The following NPIPA1 variants were observed in gnomAD, a reference collection of about 807,000 sequenced individuals.
The protein encoded by NPIPA1 is nuclear pore complex-interacting protein family member A1.
For synonymous variants in NPIPA1, 7 were observed against 88.0 expected (o/e 0.08, Z 5.15); for missense variants, 22 against 232.2 (o/e 0.09, Z 5.88).
intron 1 of NPIPA1, among the ~76,000 whole-genome samples, chr16:14,938,771 T>C (rs1326173861): frequency 1.4e-4 from 22 of 152,162 alleles, no homozygotes; most frequent in African/African-American, 2.4e-4. Flanking sequence ...CAGAGTCTCA[T>C]TCTGTCGCCC....
intron 2 of NPIPA1, 103 bp from the exon 3 acceptor site, chr16:14,945,471 A>C: frequency 3.2e-6 from 2 of 633,644 alleles, no homozygotes; most frequent in Non-Finnish European, 5.2e-6. Flanking sequence ...CTGGTCTTGA[A>C]CTCCTGACCC....
At chr16:14,943,157 T>A (rs1238950663) in intron 2 of NPIPA1, among the ~76,000 whole-genome samples, 2 of 152,012 alleles carry the variant, frequency 1.3e-5, no homozygotes, top group African/African-American at 2.4e-5. Flanking sequence ...TTTTTTTTTT[T>A]TTTTCTTTTC....
intron 2 of NPIPA1, among the ~76,000 whole-genome samples, chr16:14,943,739 G>T (rs1475786593): frequency 5.9e-5 from 9 of 152,010 alleles, no homozygotes; most frequent in East Asian, 2.0e-4. Context: ...AGACGTGGTT[G>T]CTCTTTTCAT....
intron 2 of NPIPA1, among the ~76,000 whole-genome samples, chr16:14,943,244 C>A (rs1381893483): frequency 3.3e-5 from 5 of 151,800 alleles, no homozygotes; most frequent in African/African-American, 1.2e-4. Flanking sequence ...GCAACCTCCA[C>A]CTCCTGGCTT....
At position 14,941,204 on chromosome 16, in the gene NPIPA1, G is replaced by A. The variant is rs576021776; in HGVS notation, c.64-608G>A. ...TGTAATCCCAGCACTTTGGGAGGCC[G>A]AGGCAGGCAGATCGCCTGTCAGGAG... is the stretch of plus-strand genomic sequence containing the variant. On this transcript the variant is annotated intron_variant, in intron 1 of 7. Coordinates refer to ENST00000328085, the MANE Select transcript of NPIPA1 (RefSeq NM_006985.4). 3.3e-3 allele frequency among the ~76,000 whole-genome samples: 499 copies of A among 150,846 alleles called. 39 individuals carry two copies. The South Asian group carries it at 0.11, about 32-fold the overall frequency.
chr16:14,943,061 G>C (rs1329980091), intron 2 of NPIPA1, among the ~76,000 whole-genome samples: 1 of 152,218 alleles, frequency 6.6e-6, no homozygotes, highest in Non-Finnish European at 1.5e-5. Context: ...AAATATATGA[G>C]TTATGAAGAT....
chr16:14,942,772 G>A (rs1393502129), intron 2 of NPIPA1, among the ~76,000 whole-genome samples: 19 of 152,162 alleles, frequency 1.2e-4, no homozygotes, highest in Non-Finnish European at 2.2e-4. Context: ...TCAAAAGTCT[G>A]TACTTGGTAA....
intron 5 of NPIPA1, 100 bp from the exon 6 acceptor site, chr16:14,949,950 G>A (rs1327191600): frequency 2.0e-6 from 1 of 507,704 alleles, no homozygotes; most frequent in Non-Finnish European, 3.4e-6. Flanking sequence ...GAGATAGATT[G>A]TGTAAGGGTA....
intron 2 of NPIPA1, among the ~76,000 whole-genome samples, chr16:14,945,149 G>T (rs57560238): frequency 0.099 from 10,057 of 101,200 alleles, 5 homozygotes; most frequent in Non-Finnish European, 0.14. Flanking sequence ...GACCTCAGGT[G>T]ATCCGCCTGC....
chr16:14,942,902 G>C (rs1295888951), intron 2 of NPIPA1, among the ~76,000 whole-genome samples: 2 of 152,388 alleles, frequency 1.3e-5, no homozygotes, highest in Admixed American at 1.3e-4. Context: ...TGTGGGGGCT[G>C]AACCTCCTTC....
chr16:14,946,961 G>A (rs1404486404), intron 4 of NPIPA1, among the ~76,000 whole-genome samples: 3 of 152,082 alleles, frequency 2.0e-5, no homozygotes, highest in Admixed American at 6.5e-5. Context: ...CCAATGTGCT[G>A]GGATTACAGG....
intron 1 of NPIPA1, chr16:14,938,456 A>T (rs1965676669): frequency 1.2e-6 from 1 of 832,980 alleles, no homozygotes; most frequent in African/African-American, 1.9e-5. Context: ...CCAGCACTTT[A>T]GGGGGCCGAG....
intron 1 of NPIPA1, among the ~76,000 whole-genome samples, chr16:14,937,891 A>G (rs1341125011): frequency 6.9e-6 from 1 of 145,196 alleles, no homozygotes; most frequent in Non-Finnish European, 1.5e-5. Context: ...CCTAAGCCTC[A>G]CGCTCCCTTG....
chr16:14,947,333 C>T (rs1265285927), intron 4 of NPIPA1, among the ~76,000 whole-genome samples: 121 of 152,032 alleles, frequency 8.0e-4, no homozygotes, highest in African/African-American at 2.6e-3. Flanking sequence ...AGGGGTCCTC[C>T]GTACAGGCTG....
At chr16:14,943,726 G>A (rs1191781203) in intron 2 of NPIPA1, among the ~76,000 whole-genome samples, 5 of 151,716 alleles carry the variant, frequency 3.3e-5, no homozygotes, top group African/African-American at 1.2e-4. Context: ...GTAGCTGTGG[G>A]ATAGACGTGG....
At chr16:14,938,731 T>A (rs1470241511) in intron 1 of NPIPA1, among the ~76,000 whole-genome samples, 1 of 151,602 alleles carries the variant, frequency 6.6e-6, no homozygotes, top group Non-Finnish European at 1.5e-5. Context: ...TTGTGTCATC[T>A]GGTTTGATGA....
At chr16:14,940,388 C>G in intron 1 of NPIPA1, among the ~76,000 whole-genome samples, 1 of 152,126 alleles carries the variant, frequency 6.6e-6, no homozygotes, top group Non-Finnish European at 1.5e-5. Flanking sequence ...TGTTATACAT[C>G]AATTTAAAAA....
intron 2 of NPIPA1, among the ~76,000 whole-genome samples, chr16:14,942,558 CTG>C (rs1200625911): frequency 6.6e-6 from 1 of 152,260 alleles, no homozygotes; most frequent in East Asian, 1.9e-4. Flanking sequence ...CAAAGTTCCT[CTG>C]AGGTCATAGG....
intron 2 of NPIPA1, among the ~76,000 whole-genome samples, chr16:14,943,828 A>G (rs1394812799): frequency 4.6e-5 from 7 of 152,096 alleles, no homozygotes; most frequent in Admixed American, 2.0e-4. Flanking sequence ...AAATCAGGAA[A>G]AAACAAATTC....
Sources: gnomAD v4.1 joint callset for allele counts (sites outside exome capture counted in the v4.1 genomes callset) on GRCh38, gnomAD v4.1.1 for gene constraint, MANE v1.5 for transcripts, NCBI Gene and HGNC (gene_info 2026-07-23, HGNC 2026-07-21) for gene names.